Variants in PLCE1 observed in about 807,000 individuals in gnomAD.
PLCE1 encodes 1-phosphatidylinositol 4,5-bisphosphate phosphodiesterase epsilon-1.
PLCE1 carries 119 observed loss-of-function variants against 242.8 expected under a neutral mutation model. The ratio of observed to expected loss-of-function variants is 0.49; its 90% CI spans 0.42 to 0.57. The LOEUF is 0.57. PLCE1 is among the 20% of genes least tolerant of loss of function. The probability of loss-of-function intolerance (pLI) is 0.00; values close to 1 mark genes in which losing one functional copy is unlikely to be tolerated. For synonymous variants in PLCE1, 945 were observed against 1,017.4 expected (o/e 0.93, Z 1.35); for missense variants, 2,441 against 2,788.8 (o/e 0.88, Z 2.81).
chr10:94,238,610 A>G (rs1365464905), intron 7 of PLCE1, among the ~76,000 whole-genome samples: 1 of 152,196 alleles, frequency 6.6e-6, no homozygotes, highest in East Asian at 1.9e-4. Flanking sequence ...AATGCTCATT[A>G]ATAATTACTT....
intron 8 of PLCE1, among the ~76,000 whole-genome samples, chr10:94,249,416 C>A (rs2137571293): frequency 7.7e-6 from 1 of 129,340 alleles, no homozygotes; most frequent in Non-Finnish European, 1.7e-5. Flanking sequence ...CTCTCAGATG[C>A]CCTAAAGTTA....
chr10:94,098,890 A>T (rs1384069310), intron 2 of PLCE1, among the ~76,000 whole-genome samples: 1 of 152,128 alleles, frequency 6.6e-6, no homozygotes, highest in Non-Finnish European at 1.5e-5. Context: ...GGTTCTAGGG[A>T]GCTGAGTGCC....
At chr10:94,281,292 C>G (rs1460131586) in intron 20 of PLCE1, among the ~76,000 whole-genome samples, 3 of 152,130 alleles carry the variant, frequency 2.0e-5, no homozygotes, top group African/African-American at 7.2e-5. Flanking sequence ...TTTGCTCTTT[C>G]ATAAATTACT....
At chr10:94,131,382 A>G (rs922644056) in intron 2 of PLCE1, among the ~76,000 whole-genome samples, 1 of 152,200 alleles carries the variant, frequency 6.6e-6, no homozygotes, top group African/African-American at 2.4e-5. Flanking sequence ...CTTTCCCCAC[A>G]TCTTCCAACA....
intron 2 of PLCE1, among the ~76,000 whole-genome samples, chr10:94,075,734 A>G (rs2044480704): frequency 6.6e-6 from 1 of 152,220 alleles, no homozygotes; most frequent in Non-Finnish European, 1.5e-5. Flanking sequence ...GTGAACTGGG[A>G]AAGGCAGGGA....
In PLCE1 at chr10:94,306,107, G is replaced by A. The variant is rs963816984; in HGVS notation, c.5623-320G>A. On this transcript the variant is annotated intron_variant, in intron 25 of 32. Coordinates refer to ENST00000371380, the MANE Select transcript of PLCE1 (RefSeq NM_016341.4). The surrounding 1 kb of genome is among the most constrained non-coding windows in gnomAD (Gnocchi z 5.7). ...CTGCCTCAGCCTCCCTAATAGCTGG[G>A]ACTACAGGCGCACACCACCATGCCC... 6.6e-6 allele frequency among the ~76,000 whole-genome samples: 1 copy of A among 151,998 alleles called. No individual in the cohort carries two copies. Among genetic ancestry groups the A allele is most frequent in the Admixed American group, 6.6e-5 (1 of 15,258 alleles).
At chr10:94,007,017 T>A (rs2134226316) in intron 1 of PLCE1, among the ~76,000 whole-genome samples, 1 of 152,290 alleles carries the variant, frequency 6.6e-6, no homozygotes, top group Non-Finnish European at 1.5e-5. Flanking sequence ...GAAAACTTAT[T>A]AGAATGTGAC....
At chr10:93,996,294 AC>A (rs953959341) in intron 1 of PLCE1, among the ~76,000 whole-genome samples, 3 of 152,198 alleles carry the variant, frequency 2.0e-5, no homozygotes, top group Non-Finnish European at 2.9e-5. Context: ...AAAGCCAAAA[AC>A]AGTAGAAGCA....
intron 2 of PLCE1, among the ~76,000 whole-genome samples, chr10:94,040,240 G>A (rs749507025): frequency 1.4e-4 from 21 of 152,266 alleles, no homozygotes; most frequent in Non-Finnish European, 2.1e-4. Context: ...ACAGGCATGC[G>A]CCACTGTGCC....
intron 7 of PLCE1, 50 bp from the exon 8 acceptor site, chr10:94,245,893 GGTT>G: frequency 5.0e-6 from 7 of 1,403,018 alleles, no homozygotes; most frequent in Non-Finnish European, 7.1e-6. Flanking sequence ...AATGTCTTTG[GGTT>G]GTTCTCACTT....
chr10:94,240,088 C>T (rs2137403332), intron 7 of PLCE1, among the ~76,000 whole-genome samples: 1 of 152,272 alleles, frequency 6.6e-6, no homozygotes, highest in South Asian at 2.1e-4. Context: ...ACCATTTTCC[C>T]ACTATCTGCA....
intron 14 of PLCE1, 85 bp from the exon 15 acceptor site, chr10:94,265,562 C>A: frequency 8.7e-7 from 1 of 1,152,598 alleles, no homozygotes; most frequent in Non-Finnish European, 1.3e-6. Context: ...GAAAACAGAA[C>A]AGCTTTAAAA....
chr10:94,285,170 G>T (rs573304275), intron 22 of PLCE1, among the ~76,000 whole-genome samples: 2 of 152,036 alleles, frequency 1.3e-5, no homozygotes, highest in South Asian at 4.2e-4. Context: ...TCATTTTTCA[G>T]GTCACACAAT....
At chr10:94,291,880 A>T (rs1039808419) in intron 22 of PLCE1, among the ~76,000 whole-genome samples, 1 of 152,016 alleles carries the variant, frequency 6.6e-6, no homozygotes. Flanking sequence ...ACAATTCAAA[A>T]TCCTTCCCCT....
At chr10:94,190,937 G>A (rs1274924145) in intron 4 of PLCE1, among the ~76,000 whole-genome samples, 1 of 152,180 alleles carries the variant, frequency 6.6e-6, no homozygotes, top group African/African-American at 2.4e-5. Context: ...TAAAGTGGGA[G>A]AGAGATCACA....
chr10:94,171,274 C>T lies in PLCE1; in HGVS notation c.1587C>T (p.Ile529=). Residue 529 remains isoleucine, a synonymous_variant, in exon 4 of 33, where the codon ATC becomes ATT. Coordinates refer to ENST00000371380, the MANE Select transcript of PLCE1 (RefSeq NM_016341.4). ...SKELIDLQPL[I]QFPEEVASIL... ...AGCTGATCGATCTGCAGCCTCTCAT[C>T]CAGTTCCCAGAGGAAGTCGCCAGCA... 6.2e-7 allele frequency: 1 copy of T among 1,614,180 alleles called. No homozygotes were observed. The highest frequency in any genetic ancestry group is 8.5e-7 in the Non-Finnish European group (1 of 1,180,002).
intron 3 of PLCE1, among the ~76,000 whole-genome samples, chr10:94,150,042 T>C (rs1009846477): frequency 6.6e-6 from 1 of 152,228 alleles, no homozygotes; most frequent in African/African-American, 2.4e-5. Context: ...ATGTGTCTTA[T>C]GTGTATAAAT....
At chr10:94,168,839 A>C (rs536434719) in intron 3 of PLCE1, among the ~76,000 whole-genome samples, 72 of 152,220 alleles carry the variant, frequency 4.7e-4, no homozygotes, top group Non-Finnish European at 1.8e-4. Context: ...TATTTGGCTA[A>C]TTCCACTGTA....
chr10:94,046,227 G>T (rs2061880264), intron 2 of PLCE1, among the ~76,000 whole-genome samples: 1 of 152,172 alleles, frequency 6.6e-6, no homozygotes, highest in Non-Finnish European at 1.5e-5. Flanking sequence ...GTTCTCTCTG[G>T]TTAATGAGTG....
Sources: gnomAD v4.1 joint callset for allele counts (sites outside exome capture counted in the v4.1 genomes callset) on GRCh38, gnomAD v4.1.1 for gene constraint, Gnocchi (gnomAD v3.1) non-coding constraint, MANE v1.5 for transcripts, NCBI Gene and HGNC (gene_info 2026-07-23, HGNC 2026-07-21) for gene names.